SEPTIN7: variants seen among roughly 807,000 people sequenced by gnomAD.
SEPTIN7 encodes septin-7.
A neutral mutation model predicts 63.3 loss-of-function variants in SEPTIN7; 10 were observed. The ratio of observed to expected loss-of-function variants is 0.16; its 90% CI spans 0.10 to 0.27. The LOEUF is 0.27. Ranked by LOEUF, SEPTIN7 falls within the 10% of genes least tolerant of loss-of-function variation. SEPTIN7 has a pLI of 1.00. For missense variants in SEPTIN7, 310 were observed against 521.0 expected (o/e 0.59, Z 3.94); for synonymous variants, 131 against 165.3 (o/e 0.79, Z 1.59).
chr7:35,847,017 A>T (rs1784706326), intron 3 of SEPTIN7: 2 of 158,392 alleles, frequency 1.3e-5, no homozygotes. Context: ...GACTATTCCC[A>T]TGCCAGTGCT....
chr7:35,816,500 CT>C (rs1169885155), intron 1 of SEPTIN7, among the ~76,000 whole-genome samples: 1 of 152,056 alleles, frequency 6.6e-6, no homozygotes, highest in Non-Finnish European at 1.5e-5. Flanking sequence ...TTGTTTTCTA[CT>C]TTTTGACTAT....
At chr7:35,801,843 C>T (rs886451040) in intron 1 of SEPTIN7, among the ~76,000 whole-genome samples, 8 of 152,022 alleles carry the variant, frequency 5.3e-5, no homozygotes, top group African/African-American at 1.9e-4. Flanking sequence ...GTGGAGGCGG[C>T]GGCGGCGGCT....
intron 3 of SEPTIN7, among the ~76,000 whole-genome samples, chr7:35,844,168 T>G (rs2115996562): frequency 6.6e-6 from 1 of 152,292 alleles, no homozygotes; most frequent in Middle Eastern, 3.4e-3. Flanking sequence ...ACTTCTACCC[T>G]CAAAGGAATT....
At chr7:35,832,675 G>A (rs1259002115) in intron 2 of SEPTIN7, 123 bp from the exon 3 acceptor site, 5 of 704,838 alleles carry the variant, frequency 7.1e-6, no homozygotes, top group Non-Finnish European at 1.3e-5. Context: ...TGCCATGAAA[G>A]TAGTTTGATT....
intron 7 of SEPTIN7, among the ~76,000 whole-genome samples, chr7:35,882,046 T>A (rs2116280858): frequency 6.6e-6 from 1 of 152,126 alleles, no homozygotes; most frequent in East Asian, 1.9e-4. Flanking sequence ...ACCTTACTTT[T>A]GCCAGATTCT....
At chr7:35,831,977 C>A in intron 2 of SEPTIN7, 1 of 339,196 alleles carries the variant, frequency 2.9e-6, no homozygotes. Context: ...TAAAATTAAC[C>A]AATGAGACTC....
chr7:35,895,758 G>A (rs1787923136), intron 11 of SEPTIN7, among the ~76,000 whole-genome samples: 1 of 152,092 alleles, frequency 6.6e-6, no homozygotes, highest in African/African-American at 2.4e-5. Context: ...GTATGATACA[G>A]TTGAAGGCAT....
intron 4 of SEPTIN7, among the ~76,000 whole-genome samples, chr7:35,872,395 G>T (rs1161316935): frequency 6.6e-6 from 1 of 152,086 alleles, no homozygotes; most frequent in Admixed American, 6.6e-5. Context: ...CAGTTCCTCT[G>T]TCTGTCTTTA....
intron 1 of SEPTIN7, among the ~76,000 whole-genome samples, chr7:35,812,904 C>T (rs1476820420): frequency 6.6e-6 from 1 of 152,168 alleles, no homozygotes; most frequent in Admixed American, 6.5e-5. Context: ...CGGCAAGATT[C>T]TAATTCCCTA....
chr7:35,868,587 A>G (rs1189761383), intron 4 of SEPTIN7, among the ~76,000 whole-genome samples: 2 of 152,142 alleles, frequency 1.3e-5, no homozygotes, highest in Non-Finnish European at 2.9e-5. Context: ...GTGGTGAGTC[A>G]GTGAAGATGG....
In SEPTIN7 at chr7:35,904,520, A is replaced by T; in HGVS notation, c.*227A>T. 1 of 357,444 alleles carries T rather than the reference A, an allele frequency of 2.8e-6. No homozygotes were observed. Among genetic ancestry groups the T allele is most frequent in the Non-Finnish European group, 5.0e-6 (1 of 199,482 alleles). The allele number at this position is 357,444 out of a possible 1,614,324, so 22.1% of individuals were successfully genotyped here. A position where few individuals can be genotyped will look rare whatever the true frequency, so the allele number is the denominator to read the frequency against. On this transcript the variant is annotated 3_prime_UTR_variant, in exon 14 of 14. Transcript: ENST00000350320. ...TAAGAGCTCTAAGTACCTTTCCTACATTTTCTTTTTTTATTAAACAGATAT... is the reference window on the plus strand; with the variant it reads ...TAAGAGCTCTAAGTACCTTTCCTACTTTTTCTTTTTTTATTAAACAGATAT...
Position 35,829,177 on chromosome 7 carries a change from C to G in SEPTIN7, c.62-2315C>G, listed in dbSNP as rs1156785407. Reference sequence around the variant, plus strand: ...TGGAGACGGAGTCTCGCTCTGTCATCCAGGCAGGAGTGCAATGGCACGATC... The same window carrying G: ...TGGAGACGGAGTCTCGCTCTGTCATGCAGGCAGGAGTGCAATGGCACGATC... On this transcript the variant is annotated intron_variant, in intron 1 of 13. Coordinates refer to ENST00000350320, the MANE Select transcript of SEPTIN7 (RefSeq NM_001788.6). Among the ~76,000 whole-genome samples the G allele has an allele frequency of 3.2e-5, 4 of 125,106 alleles. No homozygotes were observed. The Admixed American group carries it at 3.8e-4, about 12-fold the overall frequency. 82.1% of individuals were successfully genotyped at this position (125,106 alleles called of 152,430 possible).
intron 1 of SEPTIN7, among the ~76,000 whole-genome samples, chr7:35,814,974 CAAAAAA>C (rs56795764): frequency 1.4e-4 from 3 of 22,028 alleles, no homozygotes; most frequent in Non-Finnish European, 2.1e-4. Flanking sequence ...GACTCCTTCT[CAAAAAA>C]AAAAAAAAAA....
At chr7:35,830,068 C>A (rs1258537243) in intron 1 of SEPTIN7, among the ~76,000 whole-genome samples, 11 of 151,946 alleles carry the variant, frequency 7.2e-5, no homozygotes, top group African/African-American at 2.7e-4. Flanking sequence ...TGCCTGTAAT[C>A]CCAGCTACTT....
intron 1 of SEPTIN7, among the ~76,000 whole-genome samples, chr7:35,802,462 A>G (rs1788056102): frequency 6.6e-6 from 1 of 152,236 alleles, no homozygotes. Flanking sequence ...GTTCAGCTTT[A>G]AGAATTCTTT....
chr7:35,864,372 T>C (rs1785680882), intron 4 of SEPTIN7, among the ~76,000 whole-genome samples: 1 of 152,180 alleles, frequency 6.6e-6, no homozygotes. Context: ...ATGCTGATGC[T>C]GCTGGATGGT....
chr7:35,875,768 C>CTTAT (rs1562567932), intron 6 of SEPTIN7, among the ~76,000 whole-genome samples: 1 of 151,568 alleles, frequency 6.6e-6, no homozygotes, highest in East Asian at 1.9e-4. Context: ...GATTTTTTCT[C>CTTAT]TTATACATAC....
At chr7:35,883,528 C>G (rs1344228990) in intron 8 of SEPTIN7, among the ~76,000 whole-genome samples, 4 of 151,950 alleles carry the variant, frequency 2.6e-5, no homozygotes, top group African/African-American at 9.7e-5. Context: ...AGTAGGCAAG[C>G]TAGTCATTAG....
At chr7:35,900,197 C>G (rs1198277496) in intron 12 of SEPTIN7, 1 of 152,194 alleles carries the variant, frequency 6.6e-6, no homozygotes, top group Non-Finnish European at 1.5e-5. Context: ...TATTCCACAT[C>G]ATTTCTCTTA....
Sources: gnomAD v4.1 joint callset for allele counts (sites outside exome capture counted in the v4.1 genomes callset) on GRCh38, gnomAD v4.1.1 for gene constraint, MANE v1.5 for transcripts, NCBI Gene and HGNC (gene_info 2026-07-23, HGNC 2026-07-21) for gene names.